The following WNT7B variants were observed in gnomAD, a reference collection of about 807,000 sequenced individuals.
The protein encoded by WNT7B is Wnt family member 7B.
In WNT7B, 19 loss-of-function variants were observed where a neutral mutation model predicts 38.2. That is an observed-to-expected ratio of 0.50 (90% CI 0.35 to 0.73). WNT7B has a LOEUF of 0.73. WNT7B is among the 30% of genes least tolerant of loss of function. The pLI, the probability that WNT7B is intolerant of heterozygous loss-of-function variation, is 0.01. For missense variants in WNT7B, 423 were observed against 507.9 expected, an observed-to-expected ratio of 0.83 and a Z score of 1.61; for synonymous variants, 243 against 209.3, an observed-to-expected ratio of 1.16 and a Z score of -1.39.
rs1396530935 is a variant in WNT7B, at chr22:45,966,489, G to A, written c.71+10195C>T. Among the ~76,000 whole-genome samples the A allele has an allele frequency of 4.6e-5, 7 of 152,212 alleles. No homozygotes were observed. Among genetic ancestry groups the A allele is most frequent in the East Asian group, 3.9e-4 (2 of 5,190 alleles). On this transcript the variant is annotated intron_variant, in intron 1 of 3. Transcript: ENST00000339464. This position sits in a 1 kb window ranked among gnomAD's most constrained non-coding sequence, Gnocchi z 4.2. ...ACAGTGCGGGAGGGCTCCAGAAAGC[G>A]ATAGAGGCCTGCAGGGGTCATGGGA...
chr22:45,957,846 C>T lies in WNT7B; in HGVS notation c.72-7700G>A, dbSNP rs139384922. Among the ~76,000 whole-genome samples the T allele has an allele frequency of 6.0e-3, 914 of 152,286 alleles. 12 individuals carry two copies. The highest frequency in any genetic ancestry group is 0.021 in the African/African-American group (870 of 41,558). ...CATGGGGCTGCTGGGCTGGGCCAGC[C>T]ACCGACCTAAGGCAGAGCTGGGCTG... On this transcript the variant is annotated intron_variant, in intron 1 of 3. Coordinates refer to ENST00000339464, the MANE Select transcript of WNT7B (RefSeq NM_058238.3).
intron 1 of WNT7B, among the ~76,000 whole-genome samples, chr22:45,968,679 G>A (rs970713602): frequency 3.9e-5 from 6 of 152,270 alleles, no homozygotes; most frequent in African/African-American, 9.6e-5. Flanking sequence ...GTTGGGTCTC[G>A]TCCACCTGGT....
At chr22:45,972,214 G>A (rs931105094) in intron 1 of WNT7B, 3 of 649,038 alleles carry the variant, frequency 4.6e-6, no homozygotes, top group Non-Finnish European at 5.6e-6. Flanking sequence ...AGACGAGCGC[G>A]CTGCGCGGCG....
chr22:45,924,561 C>T (rs926672457), intron 3 of WNT7B, among the ~76,000 whole-genome samples: 4 of 152,244 alleles, frequency 2.6e-5, no homozygotes, highest in Non-Finnish European at 5.9e-5. Context: ...ACAAAGAGGA[C>T]AGCATTCCAG....
chr22:45,926,838 G>C (rs1220983839), intron 3 of WNT7B: 1 of 985,444 alleles, frequency 1.0e-6, no homozygotes. Context: ...GAGAAGGAGA[G>C]TGTGGAGGGT....
At chr22:45,956,256 C>T (rs562265724) in intron 1 of WNT7B, among the ~76,000 whole-genome samples, 23 of 152,340 alleles carry the variant, frequency 1.5e-4, no homozygotes, top group African/African-American at 5.1e-4. Flanking sequence ...TAACAGCTCC[C>T]ATCCATCTCA....
chr22:45,947,740 G>C (rs1006882190), intron 2 of WNT7B, among the ~76,000 whole-genome samples: 2 of 152,214 alleles, frequency 1.3e-5, no homozygotes, highest in African/African-American at 4.8e-5. Context: ...AGCAGTAGGG[G>C]CGATCAAGGG....
At chr22:45,948,861 C>T (rs1233905705) in intron 2 of WNT7B, among the ~76,000 whole-genome samples, 3 of 123,946 alleles carry the variant, frequency 2.4e-5, no homozygotes. Flanking sequence ...TTTTTTTCCC[C>T]TGAGACAGAG....
At chr22:45,930,138 G>T (rs1931289887) in intron 3 of WNT7B, among the ~76,000 whole-genome samples, 1 of 152,186 alleles carries the variant, frequency 6.6e-6, no homozygotes, top group South Asian at 2.1e-4. Flanking sequence ...ACACAACCAA[G>T]CCCTCACCGT....
At chr22:45,953,065 G>A (rs1392565862) in intron 1 of WNT7B, among the ~76,000 whole-genome samples, 1 of 152,240 alleles carries the variant, frequency 6.6e-6, no homozygotes, top group Non-Finnish European at 1.5e-5. Flanking sequence ...CACTGAGGGG[G>A]AGCGCGGTGG....
intron 1 of WNT7B, among the ~76,000 whole-genome samples, chr22:45,953,254 TCGGC>T (rs1333616354): frequency 1.8e-4 from 18 of 102,152 alleles, no homozygotes; most frequent in Non-Finnish European, 3.0e-4. Context: ...CACCGTGTCC[TCGGC>T]TTCCCCTCAC....
At chr22:45,973,089 T>G (rs985220351) in intron 1 of WNT7B, among the ~76,000 whole-genome samples, 23 of 152,236 alleles carry the variant, frequency 1.5e-4, no homozygotes, top group African/African-American at 4.8e-4. Context: ...AGGCCGCCAG[T>G]GGGAAGGCAT....
chr22:45,967,528 C>T (rs1932339312), intron 1 of WNT7B, among the ~76,000 whole-genome samples: 1 of 119,850 alleles, frequency 8.3e-6, no homozygotes. Context: ...TGGCCCTGGG[C>T]CGATGGCCTA....
Position 45,976,862 on chromosome 22 carries a change from C to G in WNT7B, c.-108G>C. On this transcript the variant is annotated 5_prime_UTR_variant, in exon 1 of 4. Transcript: ENST00000339464. The surrounding 1 kb of genome is among the most constrained non-coding windows in gnomAD (Gnocchi z 8.5). ...GGCTGCGGGCAGACTGCGCTCAGCC[C>G]GCGCTGCGGCTCGGGCGGCCGGCGA... 1 of 1,060,492 alleles carries G rather than the reference C, an allele frequency of 9.4e-7. No homozygotes were observed. The highest frequency in any genetic ancestry group is 1.1e-6 in the Non-Finnish European group (1 of 871,524). The allele number at this position is 1,060,492 out of a possible 1,614,324, so 65.7% of individuals were successfully genotyped here.
At chr22:45,954,870 G>GGATTAAA in intron 1 of WNT7B, 1 of 609,464 alleles carries the variant, frequency 1.6e-6, no homozygotes, top group Non-Finnish European at 2.1e-6. Flanking sequence ...TGCTAGGTGA[G>GGATTAAA]TGGTGCCATC....
At chr22:45,929,326 A>G (rs1931208977) in intron 3 of WNT7B, among the ~76,000 whole-genome samples, 1 of 152,138 alleles carries the variant, frequency 6.6e-6, no homozygotes, top group African/African-American at 2.4e-5. Flanking sequence ...AGTTCCTTGG[A>G]GGCAAAGCCT....
Position 45,931,103 on chromosome 22 carries a change from T to C in WNT7B, c.565A>G (p.Arg189Gly). 6.3e-7 allele frequency: 1 copy of C among 1,576,252 alleles called. No homozygotes were observed. The change falls in exon 3 of 4, where the codon AGG becomes GGG. Residue 189 changes from arginine to glycine, a missense_variant. This residue lies in a region of WNT7B where 132 missense variants were observed against 113.4 expected (regional missense o/e 1.16). Coordinates refer to ENST00000339464, the MANE Select transcript of WNT7B (RefSeq NM_058238.3). The stretch of plus-strand genomic sequence containing the variant: ...CAGCCGCACCCGCACCCTACCTTCC[T>C]GCCGGCCTCATTGTTATGCAGGTTC... ...LMNLHNNEAGRKVLEDRMQLE... is the reference protein window; with the variant it reads ...LMNLHNNEAGGKVLEDRMQLE...
Position 45,976,763 on chromosome 22 carries a change from G to T in WNT7B, c.-9C>A. The stretch of plus-strand genomic sequence containing the variant: ...CGAAAGTTTCTGTGCATGATCCAGG[G>T]AGGGGGGCTGCGCCATAGACAGCGG... On this transcript the variant is annotated 5_prime_UTR_variant, in exon 1 of 4. Coordinates refer to ENST00000339464, the MANE Select transcript of WNT7B (RefSeq NM_058238.3). The surrounding 1 kb of genome is among the most constrained non-coding windows in gnomAD (Gnocchi z 8.5). 1 of 1,604,692 alleles carries T rather than the reference G, an allele frequency of 6.2e-7. No individual in the cohort carries two copies.
rs1292597321 is a variant in WNT7B, at chr22:45,976,507, G to A, written c.71+177C>T. Among the ~76,000 whole-genome samples, 2 of 151,912 alleles carry A rather than the reference G, an allele frequency of 1.3e-5. No homozygotes were observed. Among genetic ancestry groups the A allele is most frequent in the South Asian group, 2.1e-4 (1 of 4,832 alleles). Reference sequence around the variant, plus strand: ...GCTCGGCGCCTCTCGGGAGCTCAGGGGGTTGGGCTGCGTCTCTGCTGGCGT... The same window carrying A: ...GCTCGGCGCCTCTCGGGAGCTCAGGAGGTTGGGCTGCGTCTCTGCTGGCGT... On this transcript the variant is annotated intron_variant, in intron 1 of 3. Coordinates refer to ENST00000339464, the MANE Select transcript of WNT7B (RefSeq NM_058238.3). This position sits in a 1 kb window ranked among gnomAD's most constrained non-coding sequence, Gnocchi z 8.5.
Sources: gnomAD v4.1 joint callset for allele counts (sites outside exome capture counted in the v4.1 genomes callset) on GRCh38, gnomAD v4.1.1 for gene constraint, gnomAD v4.1.1 regional missense constraint, Gnocchi (gnomAD v3.1) non-coding constraint, MANE v1.5 for transcripts, NCBI Gene and HGNC (gene_info 2026-07-23, HGNC 2026-07-21) for gene names.